The following OLFM2 variants were observed in gnomAD, a reference collection of about 807,000 sequenced individuals.
OLFM2 encodes olfactomedin 2.
A neutral mutation model predicts 43.9 loss-of-function variants in OLFM2; 20 were observed. That is an observed-to-expected ratio of 0.46 (90% CI 0.32 to 0.66). The LOEUF is 0.66. Among genes scored for constraint, OLFM2 ranks in the 30% least tolerant of loss-of-function variants. OLFM2 has a pLI of 0.04. For missense variants in OLFM2, 416 were observed against 643.6 expected (o/e 0.65, Z 3.83); for synonymous variants, 268 against 278.6 (o/e 0.96, Z 0.38).
chr19:9,859,021 T>C (rs1300203631), intron 2 of OLFM2, among the ~76,000 whole-genome samples: 1 of 152,186 alleles, frequency 6.6e-6, no homozygotes, highest in Non-Finnish European at 1.5e-5. Flanking sequence ...CTGGCTAAGG[T>C]AGATTCCCAC....
chr19:9,865,082 C>A (rs2046390407), intron 1 of OLFM2, among the ~76,000 whole-genome samples: 1 of 151,870 alleles, frequency 6.6e-6, no homozygotes, highest in Non-Finnish European at 1.5e-5. Flanking sequence ...TGGCCCAGTA[C>A]AAGAGGAATA....
At chr19:9,930,027 G>A (rs916519632) in intron 1 of OLFM2, among the ~76,000 whole-genome samples, 3 of 151,644 alleles carry the variant, frequency 2.0e-5, no homozygotes. Context: ...CAACAAGAGC[G>A]AAACTCCATC....
At chr19:9,870,827 T>C (rs2046436013) in intron 1 of OLFM2, among the ~76,000 whole-genome samples, 1 of 152,036 alleles carries the variant, frequency 6.6e-6, no homozygotes, top group Non-Finnish European at 1.5e-5. Flanking sequence ...GAGCTGAGAT[T>C]GCACCATTGC....
intron 1 of OLFM2, among the ~76,000 whole-genome samples, chr19:9,871,912 C>T (rs981885200): frequency 6.6e-6 from 1 of 152,220 alleles, no homozygotes; most frequent in African/African-American, 2.4e-5. Flanking sequence ...AACACCTTCA[C>T]AGGTCTACCG....
chr19:9,898,058 C>A (rs1209132894), intron 1 of OLFM2, among the ~76,000 whole-genome samples: 1 of 143,258 alleles, frequency 7.0e-6, no homozygotes, highest in Non-Finnish European at 1.5e-5. Context: ...ATGCATGCTA[C>A]TGTGCCCAGC....
At chr19:9,927,326 C>T (rs566534661) in intron 1 of OLFM2, among the ~76,000 whole-genome samples, 1 of 151,986 alleles carries the variant, frequency 6.6e-6, no homozygotes, top group East Asian at 1.9e-4. Flanking sequence ...TTCTAAAATC[C>T]TTAACCCAGC....
chr19:9,911,984 G>A (rs1031253572), intron 1 of OLFM2, among the ~76,000 whole-genome samples: 4 of 151,938 alleles, frequency 2.6e-5, no homozygotes, highest in Non-Finnish European at 5.9e-5. Context: ...ATGCTGATAC[G>A]TCCACACCCA....
intron 2 of OLFM2, among the ~76,000 whole-genome samples, chr19:9,858,626 TA>T (rs1341439431): frequency 3.3e-5 from 5 of 151,888 alleles, no homozygotes; most frequent in Non-Finnish European, 5.9e-5. Flanking sequence ...GCTGAATGAG[TA>T]AAATAAACTT....
intron 1 of OLFM2, among the ~76,000 whole-genome samples, chr19:9,922,178 G>A (rs1262071993): frequency 1.3e-5 from 2 of 151,730 alleles, no homozygotes; most frequent in Non-Finnish European, 2.9e-5. Context: ...AAAAGCTACA[G>A]AGAAGATATT....
chr19:9,870,092 G>A (rs898576681), intron 1 of OLFM2, among the ~76,000 whole-genome samples: 7 of 151,946 alleles, frequency 4.6e-5, no homozygotes, highest in African/African-American at 1.5e-4. Context: ...TAGAGGTGGA[G>A]TCTCACTATG....
intron 1 of OLFM2, among the ~76,000 whole-genome samples, chr19:9,877,464 C>T (rs112838895): frequency 0.03 from 4,479 of 150,062 alleles, 206 homozygotes; most frequent in African/African-American, 0.1. Flanking sequence ...ACTCGGGAGG[C>T]GGAGGTTGCG....
chr19:9,858,366 A>G (rs2046340645), intron 2 of OLFM2, among the ~76,000 whole-genome samples: 2 of 151,644 alleles, frequency 1.3e-5, no homozygotes, highest in East Asian at 2.0e-4. Context: ...GCTCCTTCTC[A>G]TCCTTCAGGG....
chr19:9,921,220 G>A (rs2086417642), intron 1 of OLFM2, among the ~76,000 whole-genome samples: 1 of 151,930 alleles, frequency 6.6e-6, no homozygotes, highest in Non-Finnish European at 1.5e-5. Flanking sequence ...TGGCTCAAGC[G>A]ATCCTTCTGC....
chr19:9,913,693 C>A, intron 1 of OLFM2: 2 of 1,078,420 alleles, frequency 1.9e-6, no homozygotes, highest in Non-Finnish European at 2.2e-6. Context: ...CTCGGTCCCT[C>A]GACACCCAGG....
intron 1 of OLFM2, among the ~76,000 whole-genome samples, chr19:9,863,654 C>A (rs1021917744): frequency 1.3e-5 from 2 of 151,900 alleles, no homozygotes; most frequent in Non-Finnish European, 2.9e-5. Flanking sequence ...CCGTGAGCTG[C>A]AGCACAGATA....
At chr19:9,909,769 C>T (rs1599495211) in intron 1 of OLFM2, among the ~76,000 whole-genome samples, 2 of 152,162 alleles carry the variant, frequency 1.3e-5, no homozygotes, top group East Asian at 3.8e-4. Flanking sequence ...TTGTTCTCCC[C>T]AGTCCTGAGG....
chr19:9,904,213 T>C (rs1037590811), intron 1 of OLFM2, among the ~76,000 whole-genome samples: 3 of 141,822 alleles, frequency 2.1e-5, no homozygotes, highest in African/African-American at 7.9e-5. Context: ...TGTTTTGAGA[T>C]GGAGTCTCAC....
chr19:9,904,685 G>A (rs2046770309), intron 1 of OLFM2, among the ~76,000 whole-genome samples: 1 of 151,986 alleles, frequency 6.6e-6, no homozygotes, highest in Non-Finnish European at 1.5e-5. Context: ...ACACACTGGG[G>A]GTGGGAAGCC....
chr19:9,918,898 G>A (rs886825930), intron 1 of OLFM2, among the ~76,000 whole-genome samples: 2 of 152,180 alleles, frequency 1.3e-5, no homozygotes, highest in East Asian at 1.9e-4. Context: ...GGGCACGGGG[G>A]CTGTTTTGGA....
Sources: allele counts gnomAD v4.1 joint callset (sites outside exome capture counted in the v4.1 genomes callset), GRCh38; gene constraint gnomAD v4.1.1; transcripts MANE v1.5; gene names NCBI Gene and HGNC (gene_info 2026-07-23, HGNC 2026-07-21).